SNRPN: variants seen among roughly 807,000 people sequenced by gnomAD.
The protein encoded by SNRPN is small nuclear ribonucleoprotein-associated protein N.
SNRPN carries 7 observed loss-of-function variants against 25.2 expected under a neutral mutation model. The ratio of observed to expected loss-of-function variants is 0.28; its 90% CI spans 0.16 to 0.52. The LOEUF is 0.52. SNRPN is among the 20% of genes least tolerant of loss of function. The pLI is 0.96. For missense variants in SNRPN, 196 were observed against 322.5 expected (o/e 0.61, Z 3.00); for synonymous variants, 124 against 110.6 (o/e 1.12, Z -0.76).
intron 1 of SNRPN, among the ~76,000 whole-genome samples, chr15:24,960,820 C>CTGTAGATAGTTAATGTTAAAAGT (rs1403231192): frequency 6.6e-6 from 1 of 152,078 alleles, no homozygotes; most frequent in African/African-American, 2.4e-5. Flanking sequence ...CATACAAAAG[C>CTGTAGATAGTTAATGTTAAAAGT]TGTAGATAGT....
At chr15:24,898,006 T>G (rs2058184818) in intron 2 of SNRPN, among the ~76,000 whole-genome samples, 1 of 152,180 alleles carries the variant, frequency 6.6e-6, no homozygotes, top group Admixed American at 6.5e-5. Flanking sequence ...TGTCTTCCCT[T>G]TAGTGTTAGG....
At chr15:24,902,484 T>C (rs551637136) in intron 2 of SNRPN, among the ~76,000 whole-genome samples, 39 of 152,332 alleles carry the variant, frequency 2.6e-4, no homozygotes, top group African/African-American at 8.9e-4. Context: ...TTTCAGGAAC[T>C]GTGTCTGCAA....
chr15:24,916,354 AAGAC>A (rs1213213578), intron 2 of SNRPN, among the ~76,000 whole-genome samples: 1 of 152,134 alleles, frequency 6.6e-6, no homozygotes, highest in African/African-American at 2.4e-5. Context: ...GAGAGAGACA[AAGAC>A]AGAGACAGAA....
chr15:24,966,906 G>A (rs2075721476), intron 2 of SNRPN: 1 of 152,102 alleles, frequency 6.6e-6, no homozygotes, highest in Non-Finnish European at 1.5e-5. Flanking sequence ...AGATTTCACA[G>A]CCAGGTTACT....
Position 24,975,574 on chromosome 15 carries a change from G to A in SNRPN, c.155+65G>A, listed in dbSNP as rs1596337077. On this transcript the variant is annotated intron_variant, in intron 5 of 9. Coordinates refer to ENST00000390687, the MANE Select transcript of SNRPN (RefSeq NM_003097.6). ...CAGTGGGAAGGGAAGGCCAGAGCTGGAGTAAGGGATTTCCGAGGGTAACTG... is the reference window on the plus strand; with the variant it reads ...CAGTGGGAAGGGAAGGCCAGAGCTGAAGTAAGGGATTTCCGAGGGTAACTG... 8.7e-6 allele frequency: 12 copies of A among 1,375,822 alleles called. No individual in the cohort carries two copies. In the South Asian group the frequency reaches 1.3e-4, roughly 15 times the overall value. The allele number at this position is 1,375,822 out of a possible 1,614,324, so 85.2% of individuals were successfully genotyped here.
At chr15:24,837,616 G>A (rs532829749) in intron 2 of SNRPN, among the ~76,000 whole-genome samples, 17 of 152,000 alleles carry the variant, frequency 1.1e-4, no homozygotes, top group East Asian at 7.8e-4. Flanking sequence ...TGATCCACCC[G>A]CCTCGGCCAC....
upstream of SNRPN, chr15:24,954,900 C>A: frequency 8.6e-7 from 1 of 1,164,654 alleles, no homozygotes; most frequent in Non-Finnish European, 1.2e-6. Context: ...GGCAAACAAG[C>A]ACGCCTGCGC....
At chr15:24,885,941 T>C (rs2057168374) in intron 1 of SNRPN, among the ~76,000 whole-genome samples, 1 of 152,144 alleles carries the variant, frequency 6.6e-6, no homozygotes, top group South Asian at 2.1e-4. Flanking sequence ...TTCAAGAATG[T>C]CCTCATGGAT....
rs140304787 is a variant in SNRPN at position 24,964,045 on chromosome 15, A to T, written c.-295+1836A>T. On this transcript the variant is annotated intron_variant, in intron 2 of 9. Coordinates refer to ENST00000390687, the MANE Select transcript of SNRPN (RefSeq NM_003097.6). ...AGATCTAGTCTCAAAAAGAAAAAAAAAGTTGTAAAACATCTGTTAGCAAGT... is the reference window on the plus strand; with the variant it reads ...AGATCTAGTCTCAAAAAGAAAAAAATAGTTGTAAAACATCTGTTAGCAAGT... 2.2e-3 allele frequency among the ~76,000 whole-genome samples: 333 copies of T among 152,260 alleles called. 1 individual carries two copies. Among genetic ancestry groups the T allele is most frequent in the African/African-American group, 7.4e-3 (309 of 41,556 alleles).
In SNRPN at chr15:24,963,506, T is replaced by C. The variant is rs557748440; in HGVS notation, c.-295+1297T>C. Among the ~76,000 whole-genome samples the C allele has an allele frequency of 5.3e-5, 8 of 151,890 alleles. No homozygotes were observed. In the South Asian group the frequency reaches 1.5e-3, roughly 28 times the overall value. ...GGCACGTGCCTGTAATCCCAGCTAC[T>C]TGGGAGGCTGAGGCAGGAGAATTGT... On this transcript the variant is annotated intron_variant, in intron 2 of 9. Coordinates refer to ENST00000390687, the MANE Select transcript of SNRPN (RefSeq NM_003097.6).
chr15:24,865,227 A>T (rs2054461772), intron 1 of SNRPN, among the ~76,000 whole-genome samples: 1 of 151,986 alleles, frequency 6.6e-6, no homozygotes, highest in African/African-American at 2.4e-5. Context: ...TTGTATTTTT[A>T]GTAGAGACAG....
At chr15:24,923,226 A>G (rs2060143715) in intron 3 of SNRPN, among the ~76,000 whole-genome samples, 1 of 152,056 alleles carries the variant, frequency 6.6e-6, no homozygotes, top group Non-Finnish European at 1.5e-5. Context: ...TCTATACCTG[A>G]TGATTGTTTG....
At chr15:24,889,314 T>A (rs2057451781) in intron 2 of SNRPN, among the ~76,000 whole-genome samples, 1 of 151,860 alleles carries the variant, frequency 6.6e-6, no homozygotes, top group African/African-American at 2.4e-5. Context: ...TTTATTTTTT[T>A]ATTTTTGAGA....
chr15:24,946,180 T>G (rs1238548522), intron 3 of SNRPN, among the ~76,000 whole-genome samples: 1 of 152,178 alleles, frequency 6.6e-6, no homozygotes, highest in South Asian at 2.1e-4. Flanking sequence ...GCTCAAATGC[T>G]TGAGAGCTGT....
intron 3 of SNRPN, among the ~76,000 whole-genome samples, chr15:24,938,328 A>C (rs1039326981): frequency 6.6e-6 from 1 of 152,104 alleles, no homozygotes; most frequent in African/African-American, 2.4e-5. Context: ...GGGTTTCACC[A>C]TGTTGGCCAG....
At chr15:24,964,589 C>T (rs1417625815) in intron 2 of SNRPN, among the ~76,000 whole-genome samples, 8 of 152,090 alleles carry the variant, frequency 5.3e-5, no homozygotes, top group East Asian at 1.9e-4. Flanking sequence ...TGAGCCACTG[C>T]GCCCAGCCTC....
At chr15:24,892,869 T>A (rs1270846133) in intron 2 of SNRPN, among the ~76,000 whole-genome samples, 3 of 152,034 alleles carry the variant, frequency 2.0e-5, no homozygotes, top group Non-Finnish European at 4.4e-5. Context: ...TAAGTTTACA[T>A]GGGAAGATCC....
intron 2 of SNRPN, chr15:24,911,164 AGAAAATTATTTTTAAAGG>A (rs2059191891): frequency 1.8e-6 from 1 of 544,116 alleles, no homozygotes; most frequent in Admixed American, 4.0e-5. Context: ...AAAGGGCCAA[AGAAAATTATTTTTAAAGG>A]GAAGTTGAAC....
upstream of SNRPN, among the ~76,000 whole-genome samples, chr15:24,853,539 G>A (rs12232318): frequency 0.16 from 24,409 of 151,858 alleles, 2,137 homozygotes; most frequent in East Asian, 0.36. Flanking sequence ...GACTACAGGC[G>A]CCCGCCACCA....
Sources: allele counts gnomAD v4.1 joint callset (sites outside exome capture counted in the v4.1 genomes callset), GRCh38; gene constraint gnomAD v4.1.1; transcripts MANE v1.5; gene names NCBI Gene and HGNC (gene_info 2026-07-23, HGNC 2026-07-21).